NIPBL: variants seen among roughly 807,000 people sequenced by gnomAD.
NIPBL encodes nipped-B-like protein.
NIPBL carries 19 observed loss-of-function variants against 321.8 expected under a neutral mutation model. The ratio of observed to expected loss-of-function variants is 0.06; its 90% CI spans 0.04 to 0.09. NIPBL has a LOEUF of 0.09. Ranked by LOEUF, NIPBL falls within the 10% of genes least tolerant of loss-of-function variation. The probability of loss-of-function intolerance (pLI) is 1.00; values close to 1 mark genes in which losing one functional copy is unlikely to be tolerated. For missense variants in NIPBL, 2,210 were observed against 3,327.0 expected (o/e 0.66, Z 8.26); for synonymous variants, 1,106 against 1,114.1 (o/e 0.99, Z 0.14).
chr5:36,904,193 G>A (rs553181739), intron 1 of NIPBL, among the ~76,000 whole-genome samples: 6 of 152,278 alleles, frequency 3.9e-5, no homozygotes, highest in South Asian at 4.1e-4. Context: ...AAACTGGGCC[G>A]GGTGCGGTGG....
intron 16 of NIPBL, among the ~76,000 whole-genome samples, chr5:37,004,560 A>G (rs549762501): frequency 1.3e-4 from 20 of 152,092 alleles, no homozygotes; most frequent in Admixed American, 1.2e-3. Flanking sequence ...ATGCACCACA[A>G]TGCCTGGCCA....
intron 3 of NIPBL, 23 bp from the exon 4 acceptor site, chr5:36,958,081 G>T (rs1339962462): frequency 1.2e-6 from 2 of 1,609,264 alleles, no homozygotes; most frequent in South Asian, 1.1e-5. Flanking sequence ...TTTAATTTTT[G>T]ATACTTATTT....
intron 44 of NIPBL, among the ~76,000 whole-genome samples, chr5:37,060,258 A>T (rs966547778): frequency 1.3e-5 from 2 of 152,226 alleles, no homozygotes; most frequent in Non-Finnish European, 1.5e-5. Context: ...TCCTGGGCTC[A>T]AGTAATCCTC....
At chr5:36,946,501 T>C (rs1179116380) in intron 1 of NIPBL, among the ~76,000 whole-genome samples, 5 of 152,068 alleles carry the variant, frequency 3.3e-5, no homozygotes, top group African/African-American at 1.2e-4. Flanking sequence ...ATTTTTTTAC[T>C]ACTTAATAAT....
Position 36,876,895 on chromosome 5 carries a change from C to T in NIPBL, c.-363C>T, listed in dbSNP as rs943068175. 2.0e-5 allele frequency: 7 copies of T among 355,260 alleles called. No homozygotes were observed. The Admixed American group carries it at 3.3e-4, about 17-fold the overall frequency. 22.0% of individuals were successfully genotyped at this position (355,260 alleles called of 1,614,324 possible). ...CACCACCAAGCCGCAGGGAGGGACG[C>T]CCCCGCCGACAGGAGAATTGGTTCC... On this transcript the variant is annotated 5_prime_UTR_variant, in exon 1 of 47. Transcript: ENST00000282516.
intron 1 of NIPBL, among the ~76,000 whole-genome samples, chr5:36,916,313 A>G (rs1429940369): frequency 1.3e-5 from 2 of 152,264 alleles, no homozygotes; most frequent in Non-Finnish European, 2.9e-5. Context: ...TTAGTTTGAA[A>G]GAAACTGACA....
At position 36,995,660 on chromosome 5, in the gene NIPBL, G is replaced by A; in HGVS notation, c.3160G>A (p.Glu1054Lys). The change falls in exon 11 of 47, where the codon GAA becomes AAA. Residue 1054 changes from glutamate (E) to lysine (K), a missense_variant. By Grantham distance (56) the Glu-to-Lys change is moderately conservative. Coordinates refer to ENST00000282516, the MANE Select transcript of NIPBL (RefSeq NM_133433.4). Reference protein sequence around the residue: ...DQSVLKELPPELLAEIESTMP... With the variant: ...DQSVLKELPPKLLAEIESTMP... ...ATCAGTGTTAAAAGAATTACCCCCT[G>A]AACTCCTGGCAGAAATTGAGTCCAC... 6.2e-7 allele frequency: 1 copy of A among 1,613,182 alleles called. No individual in the cohort carries two copies. The highest frequency in any genetic ancestry group is 8.5e-7 in the Non-Finnish European group (1 of 1,179,526).
intron 1 of NIPBL, among the ~76,000 whole-genome samples, chr5:36,900,211 T>TA (rs1389661952): frequency 6.6e-6 from 1 of 151,686 alleles, no homozygotes; most frequent in Admixed American, 6.6e-5. Flanking sequence ...AAGAAACCAA[T>TA]AAAAAAAATA....
chr5:37,032,679 G>T (rs993108644), intron 32 of NIPBL, among the ~76,000 whole-genome samples: 1 of 152,106 alleles, frequency 6.6e-6, no homozygotes, highest in Non-Finnish European at 1.5e-5. Flanking sequence ...GGAGGCAGAG[G>T]CAGGAGGATC....
intron 33 of NIPBL, among the ~76,000 whole-genome samples, chr5:37,037,173 G>A (rs1463682598): frequency 6.6e-6 from 1 of 151,358 alleles, no homozygotes; most frequent in Admixed American, 6.6e-5. Flanking sequence ...AGATCATGAG[G>A]TCAGGAGATT....
At chr5:36,972,318 C>T (rs757261990) in intron 8 of NIPBL, among the ~76,000 whole-genome samples, 11 of 152,054 alleles carry the variant, frequency 7.2e-5, no homozygotes, top group Non-Finnish European at 1.6e-4. Context: ...CTTTTCAAAC[C>T]ACAACGTTCT....
Position 37,020,601 on chromosome 5 carries a change from A to T in NIPBL, c.5153A>T (p.His1718Leu). 1 of 1,614,186 alleles carries T rather than the reference A, an allele frequency of 6.2e-7. No individual in the cohort carries two copies. The highest frequency in any genetic ancestry group is 8.5e-7 in the Non-Finnish European group (1 of 1,180,018). ...ATTGAGACAACTGGCCAAATTATGC[A>T]TCGAGCTGAAAACCGAAAAAAGTTT... ...KEIETTGQIMHRAENRKKFLR... is the reference protein window; with the variant it reads ...KEIETTGQIMLRAENRKKFLR... The change falls in exon 26 of 47, where the codon CAT becomes CTT. Residue 1718 changes from histidine (H) to leucine (L), a missense_variant. Physicochemically the swap from His to Leu is moderately conservative, Grantham distance 99. This residue lies in a region of NIPBL where 138 missense variants were observed against 175.8 expected (regional missense o/e 0.79). Transcript: ENST00000282516.
chr5:37,023,402 C>A (rs1749875215), intron 29 of NIPBL, among the ~76,000 whole-genome samples: 1 of 152,134 alleles, frequency 6.6e-6, no homozygotes, highest in African/African-American at 2.4e-5. Context: ...ATTTTTAAAA[C>A]TCTTTAATAT....
intron 34 of NIPBL, among the ~76,000 whole-genome samples, chr5:37,042,617 C>G (rs955249761): frequency 1.5e-4 from 23 of 151,914 alleles, no homozygotes; most frequent in Non-Finnish European, 5.9e-5. Flanking sequence ...TGGTGAAACC[C>G]CATCTCTACT....
chr5:36,876,894 G>A lies in NIPBL; in HGVS notation c.-364G>A. ...ACACCACCAAGCCGCAGGGAGGGAC[G>A]CCCCCGCCGACAGGAGAATTGGTTC... is the stretch of plus-strand genomic sequence containing the variant. On this transcript the variant is annotated 5_prime_UTR_variant, in exon 1 of 47. Coordinates refer to ENST00000282516, the MANE Select transcript of NIPBL (RefSeq NM_133433.4). The A allele has an allele frequency of 2.9e-6, 1 of 349,134 alleles. No individual in the cohort carries two copies. The highest frequency in any genetic ancestry group is 5.1e-6 in the Non-Finnish European group (1 of 197,090). The allele number at this position is 349,134 out of a possible 1,614,324, so 21.6% of individuals were successfully genotyped here. A position where few individuals can be genotyped will look rare whatever the true frequency, so the allele number is the denominator to read the frequency against.
chr5:36,894,089 T>C (rs1218598907), intron 1 of NIPBL, among the ~76,000 whole-genome samples: 2 of 152,174 alleles, frequency 1.3e-5, no homozygotes, highest in African/African-American at 2.4e-5. Context: ...CAGCAAATAC[T>C]TCTTCTTTAT....
At chr5:36,974,848 T>G (rs552974117) in intron 8 of NIPBL, among the ~76,000 whole-genome samples, 1 of 152,254 alleles carries the variant, frequency 6.6e-6, no homozygotes, top group Non-Finnish European at 1.5e-5. Context: ...GACCAATTTT[T>G]ACAATTTCTT....
chr5:36,881,042 T>C (rs927366032), intron 1 of NIPBL, among the ~76,000 whole-genome samples: 19 of 152,042 alleles, frequency 1.2e-4, no homozygotes, highest in African/African-American at 4.6e-4. Context: ...CACCATTTGT[T>C]ACTTTTTCAA....
intron 17 of NIPBL, 53 bp from the exon 18 acceptor site, chr5:37,007,270 T>TA (rs1402500690): frequency 2.7e-6 from 4 of 1,505,378 alleles, no homozygotes; most frequent in Non-Finnish European, 3.7e-6. Context: ...TACTGTTTAT[T>TA]AAAAATTATT....
Sources: allele counts gnomAD v4.1 joint callset (sites outside exome capture counted in the v4.1 genomes callset), GRCh38; gene constraint gnomAD v4.1.1; regional missense constraint gnomAD v4.1.1; transcripts MANE v1.5; gene names NCBI Gene and HGNC (gene_info 2026-07-23, HGNC 2026-07-21).